The following PRDM16 variants were observed in gnomAD, a reference collection of about 807,000 sequenced individuals.
PRDM16 encodes the protein PR/SET domain 16.
A neutral mutation model predicts 110.6 loss-of-function variants in PRDM16; 23 were observed. The observed-to-expected ratio is 0.21, with a 90% CI of 0.15 to 0.29. The LOEUF (loss-of-function observed/expected upper bound fraction) is 0.29. PRDM16 is among the 10% of genes least tolerant of loss of function. The pLI is 1.00. For synonymous variants in PRDM16, 799 were observed against 781.8 expected (o/e 1.02, Z -0.37); for missense variants, 1,615 against 1,794.3 (o/e 0.90, Z 1.81).
chr1:3,297,251 C>T (rs534734750), intron 3 of PRDM16, among the ~76,000 whole-genome samples: 28 of 151,800 alleles, frequency 1.8e-4, no homozygotes, highest in Non-Finnish European at 2.4e-4. Context: ...GCAGCGAGAC[C>T]CTATCCAGGT....
In PRDM16 at chr1:3,122,280, C is replaced by T. The variant is rs564659877; in HGVS notation, c.37+52984C>T. Reference sequence around the variant, plus strand: ...CCCTTGAGATGCTGGGCCCTCGACGCTCTCTGCAGATCCCCTCCTCTGTCC... The same window carrying T: ...CCCTTGAGATGCTGGGCCCTCGACGTTCTCTGCAGATCCCCTCCTCTGTCC... On this transcript the variant is annotated intron_variant, in intron 1 of 16. Transcript: ENST00000270722. Among the ~76,000 whole-genome samples, 3 of 152,300 alleles carry T rather than the reference C, an allele frequency of 2.0e-5. No homozygotes were observed. The South Asian group carries it at 6.2e-4, about 32-fold the overall frequency.
chr1:3,220,518 A>G (rs1639128139), intron 2 of PRDM16, among the ~76,000 whole-genome samples: 2 of 152,196 alleles, frequency 1.3e-5, no homozygotes, highest in Non-Finnish European at 2.9e-5. Flanking sequence ...TGCAGGGGCC[A>G]CAGGAGCAGC....
At chr1:3,147,822 T>C (rs1643704848) in intron 1 of PRDM16, among the ~76,000 whole-genome samples, 1 of 152,082 alleles carries the variant, frequency 6.6e-6, no homozygotes, top group Non-Finnish European at 1.5e-5. Context: ...CAGAGGTGAA[T>C]CTGAGGTTCC....
At chr1:3,305,250 T>C (rs929509618) in intron 3 of PRDM16, among the ~76,000 whole-genome samples, 1 of 152,156 alleles carries the variant, frequency 6.6e-6, no homozygotes, top group African/African-American at 2.4e-5. Flanking sequence ...GACACTGAAA[T>C]AACAAAATGT....
intron 3 of PRDM16, among the ~76,000 whole-genome samples, chr1:3,337,094 C>T (rs555775818): frequency 4.6e-5 from 7 of 151,154 alleles, no homozygotes; most frequent in African/African-American, 1.5e-4. Context: ...CGCATGCATC[C>T]ACATGAGTGT....
chr1:3,114,031 C>T (rs555628718), intron 1 of PRDM16, among the ~76,000 whole-genome samples: 6 of 152,264 alleles, frequency 3.9e-5, no homozygotes, highest in Non-Finnish European at 7.4e-5. Flanking sequence ...TAGTCATGTG[C>T]GGAGGAGTTT....
chr1:3,212,193 T>A (rs1320721609), intron 2 of PRDM16, among the ~76,000 whole-genome samples: 2 of 152,114 alleles, frequency 1.3e-5, no homozygotes, highest in African/African-American at 2.4e-5. Context: ...AAGGGGCCAG[T>A]GCGCACAAAG....
In PRDM16 at chr1:3,411,932, T is replaced by G; in HGVS notation, c.1735T>G (p.Phe579Val). Reference protein sequence around the residue: ...TTAAAGPEEKFESRLEDSCVE... With the variant: ...TTAAAGPEEKVESRLEDSCVE... ...GGCAGCTGCGGGGCCCGAGGAGAAG[T>G]TCGAGAGCCGCCTGGAGGACTCCTG... Residue 579 changes from phenylalanine to valine, a missense_variant, in exon 9 of 17, where the codon TTC becomes GTC. Coordinates refer to ENST00000270722, the MANE Select transcript of PRDM16 (RefSeq NM_022114.4). 1 of 1,613,506 alleles carries G rather than the reference T, an allele frequency of 6.2e-7. No homozygotes were observed. The highest frequency in any genetic ancestry group is 8.5e-7 in the Non-Finnish European group (1 of 1,179,886).
intron 1 of PRDM16, among the ~76,000 whole-genome samples, chr1:3,114,221 A>G (rs1359225779): frequency 7.9e-5 from 11 of 138,526 alleles, no homozygotes; most frequent in South Asian, 2.3e-4. Flanking sequence ...GCACACGAAC[A>G]CACACGCACA....
intron 2 of PRDM16, among the ~76,000 whole-genome samples, chr1:3,204,117 T>A (rs1390853695): frequency 6.6e-6 from 1 of 152,236 alleles, no homozygotes; most frequent in Non-Finnish European, 1.5e-5. Flanking sequence ...GTCTTAACAG[T>A]AAGATGCCTT....
rs1640945487 is a variant in PRDM16 at position 3,290,350 on chromosome 1, A to ATC, written c.438+46213_438+46214insTC. Among the ~76,000 whole-genome samples, 1 of 152,152 alleles carries ATC rather than the reference A, an allele frequency of 6.6e-6. No individual in the cohort carries two copies. Among genetic ancestry groups the ATC allele is most frequent in the African/African-American group, 2.4e-5 (1 of 41,436 alleles). On this transcript the variant is annotated intron_variant, in intron 3 of 16. Coordinates refer to ENST00000270722, the MANE Select transcript of PRDM16 (RefSeq NM_022114.4). The surrounding 1 kb of genome is among the most constrained non-coding windows in gnomAD (Gnocchi z 4.8). ...CCATGCTCAAAATGGCTGGAAGAGG[A>ATC]GAGCCTCTCAGTATCCCCACCTTAT...
intron 3 of PRDM16, among the ~76,000 whole-genome samples, chr1:3,256,329 A>T (rs796279168): frequency 3.1e-4 from 47 of 152,132 alleles, no homozygotes; most frequent in African/African-American, 1.1e-3. Flanking sequence ...TCTGTGTGGC[A>T]CTCCCAAGGT....
chr1:3,334,268 G>A (rs2100494955), intron 3 of PRDM16, among the ~76,000 whole-genome samples: 1 of 152,352 alleles, frequency 6.6e-6, no homozygotes, highest in African/African-American at 2.4e-5. Flanking sequence ...ACTGCAGCCT[G>A]GCCCAGCCCA....
chr1:3,243,953 CT>C lies in PRDM16; in HGVS notation c.388-133del. On this transcript the variant is annotated intron_variant, in intron 2 of 16. Coordinates refer to ENST00000270722, the MANE Select transcript of PRDM16 (RefSeq NM_022114.4). The surrounding 1 kb of genome is among the most constrained non-coding windows in gnomAD (Gnocchi z 5.5). The stretch of plus-strand genomic sequence containing the variant: ...TGTGATCAATGGAACCCTTCATTTC[CT>C]GCTGTGGAGAAGCCACTGGGTCCCA... 1.2e-6 allele frequency: 1 copy of C among 808,578 alleles called. No homozygotes were observed. Among genetic ancestry groups the C allele is most frequent in the Admixed American group, 2.0e-5 (1 of 50,614 alleles). 50.1% of individuals were successfully genotyped at this position (808,578 alleles called of 1,614,324 possible). A position where few individuals can be genotyped will look rare whatever the true frequency, so the allele number is the denominator to read the frequency against.
At chr1:3,376,447 A>G (rs1466692963) in intron 3 of PRDM16, among the ~76,000 whole-genome samples, 1 of 152,120 alleles carries the variant, frequency 6.6e-6, no homozygotes, top group African/African-American at 2.4e-5. Context: ...ATTCTGGGCC[A>G]TGCTCTTGGG....
chr1:3,171,316 C>T (rs1557500141), intron 1 of PRDM16, among the ~76,000 whole-genome samples: 1 of 152,342 alleles, frequency 6.6e-6, no homozygotes, highest in Admixed American at 6.5e-5. Context: ...CCTCGCTGTC[C>T]GGGCAGAGCC....
At chr1:3,075,688 G>A (rs147363464) in intron 1 of PRDM16, among the ~76,000 whole-genome samples, 198 of 152,382 alleles carry the variant, frequency 1.3e-3, no homozygotes, top group Non-Finnish European at 2.0e-3. Context: ...GCTCTGTGCC[G>A]TCCCATGCGC....
rs989328934 is a variant in PRDM16, at chr1:3,358,801, G to A, written c.439-26351G>A. Among the ~76,000 whole-genome samples the A allele has an allele frequency of 6.6e-6, 1 of 152,210 alleles. No homozygotes were observed. Among genetic ancestry groups the A allele is most frequent in the African/African-American group, 2.4e-5 (1 of 41,464 alleles). ...CTTCCAGTCTCCACAAAGTCACAGT[G>A]TGTGATGATTCCTGCCGGGGAGGAG... On this transcript the variant is annotated intron_variant, in intron 3 of 16. Coordinates refer to ENST00000270722, the MANE Select transcript of PRDM16 (RefSeq NM_022114.4). The surrounding 1 kb of genome is among the most constrained non-coding windows in gnomAD (Gnocchi z 4.0).
At chr1:3,194,862 C>T (rs1158941192) in intron 2 of PRDM16, among the ~76,000 whole-genome samples, 1 of 152,228 alleles carries the variant, frequency 6.6e-6, no homozygotes, top group Non-Finnish European at 1.5e-5. Flanking sequence ...ACTGCCCACA[C>T]CACCCCCACG....
Sources: allele counts gnomAD v4.1 joint callset (sites outside exome capture counted in the v4.1 genomes callset), GRCh38; gene constraint gnomAD v4.1.1; non-coding constraint Gnocchi (gnomAD v3.1); transcripts MANE v1.5; gene names NCBI Gene and HGNC (gene_info 2026-07-23, HGNC 2026-07-21).